RERE: variants seen among roughly 807,000 people sequenced by gnomAD.
The protein encoded by RERE is arginine-glutamic acid dipeptide repeats protein.
In RERE, 40 loss-of-function variants were observed where a neutral mutation model predicts 146.1. That is an observed-to-expected ratio of 0.27 (90% confidence interval 0.21 to 0.36). The LOEUF (loss-of-function observed/expected upper bound fraction) is 0.36, where lower values mean the gene tolerates loss of function less well. Among genes scored for constraint, RERE ranks in the 10% least tolerant of loss-of-function variants. The pLI, the probability that RERE is intolerant of heterozygous loss-of-function variation, is 1.00. For synonymous variants in RERE, 1,003 were observed against 866.0 expected (o/e 1.16, Z -2.78); for missense variants, 1,933 against 2,138.7 (o/e 0.90, Z 1.90).
intron 4 of RERE, among the ~76,000 whole-genome samples, chr1:8,586,625 A>T (rs1646431008): frequency 6.6e-6 from 1 of 152,194 alleles, no homozygotes; most frequent in South Asian, 2.1e-4. Flanking sequence ...ATAAAGGTGA[A>T]CTTCCTGACT....
intron 12 of RERE, among the ~76,000 whole-genome samples, chr1:8,422,364 C>T (rs983173903): frequency 5.9e-5 from 9 of 152,138 alleles, no homozygotes; most frequent in African/African-American, 2.2e-4. Context: ...TGCCAATTAC[C>T]AAATTCAAAC....
chr1:8,786,632 G>A (rs1346160711), intron 1 of RERE: 14 of 768,872 alleles, frequency 1.8e-5, no homozygotes, highest in Admixed American at 1.5e-4. Context: ...CAGACCTCTG[G>A]GCTCACACCA....
At chr1:8,421,209 G>A (rs1479873630) in intron 12 of RERE, among the ~76,000 whole-genome samples, 1 of 152,216 alleles carries the variant, frequency 6.6e-6, no homozygotes, top group Non-Finnish European at 1.5e-5. Context: ...GCTACAATCT[G>A]AGCGATCAGG....
chr1:8,718,201 T>C (rs1639797942), intron 1 of RERE, among the ~76,000 whole-genome samples: 1 of 152,228 alleles, frequency 6.6e-6, no homozygotes, highest in Admixed American at 6.5e-5. Context: ...AAGTAAGCAG[T>C]CAATTTACCT....
At chr1:8,717,874 G>C (rs1207837944) in intron 1 of RERE, among the ~76,000 whole-genome samples, 2 of 152,216 alleles carry the variant, frequency 1.3e-5, no homozygotes, top group African/African-American at 4.8e-5. Flanking sequence ...TGGGAATGCT[G>C]ACATGTGCAC....
chr1:8,572,003 A>G (rs1044936970), intron 4 of RERE, among the ~76,000 whole-genome samples: 28 of 152,204 alleles, frequency 1.8e-4, no homozygotes, highest in African/African-American at 6.8e-4. Context: ...ACCAACAACA[A>G]CATACGGAAA....
At chr1:8,476,521 A>T (rs1360627344) in intron 10 of RERE, among the ~76,000 whole-genome samples, 1 of 152,210 alleles carries the variant, frequency 6.6e-6, no homozygotes. Context: ...ACACACATGT[A>T]AACAAACTAA....
intron 7 of RERE, among the ~76,000 whole-genome samples, chr1:8,519,241 C>G (rs1557669515): frequency 6.6e-6 from 1 of 151,752 alleles, no homozygotes; most frequent in African/African-American, 2.4e-5. Flanking sequence ...AACAAAAAAC[C>G]CAACCAACCA....
At chr1:8,692,872 G>A (rs1639237115) in intron 1 of RERE, among the ~76,000 whole-genome samples, 1 of 152,062 alleles carries the variant, frequency 6.6e-6, no homozygotes, top group South Asian at 2.1e-4. Context: ...TAATTAGATT[G>A]TATTATTCCT....
chr1:8,399,681 T>C (rs139191578), intron 12 of RERE, among the ~76,000 whole-genome samples: 60 of 152,314 alleles, frequency 3.9e-4, no homozygotes, highest in African/African-American at 9.6e-4. Context: ...TGAAATGATA[T>C]AGCAATGAGA....
chr1:8,785,225 C>T (rs373438175), intron 1 of RERE, among the ~76,000 whole-genome samples: 1 of 152,154 alleles, frequency 6.6e-6, no homozygotes, highest in Non-Finnish European at 1.5e-5. Flanking sequence ...CAATGAAAGG[C>T]AGTCAAGCAT....
intron 2 of RERE, among the ~76,000 whole-genome samples, chr1:8,649,633 G>C (rs1178214599): frequency 1.3e-5 from 2 of 151,766 alleles, no homozygotes; most frequent in Admixed American, 1.3e-4. Context: ...TCGAAGATGA[G>C]GCAGGAGAAT....
chr1:8,673,945 C>T (rs1335442230), intron 1 of RERE, among the ~76,000 whole-genome samples: 2 of 152,090 alleles, frequency 1.3e-5, no homozygotes, highest in South Asian at 2.1e-4. Flanking sequence ...AGGTGGGTGG[C>T]TCACTTGAGC....
chr1:8,459,246 G>C (rs1224934411), intron 11 of RERE, among the ~76,000 whole-genome samples: 1 of 152,034 alleles, frequency 6.6e-6, no homozygotes, highest in African/African-American at 2.4e-5. Flanking sequence ...AATATTAAGG[G>C]CTAATTCTCA....
chr1:8,649,140 GA>G (rs1337796543), intron 2 of RERE, among the ~76,000 whole-genome samples: 1 of 152,128 alleles, frequency 6.6e-6, no homozygotes, highest in Non-Finnish European at 1.5e-5. Context: ...AAGAAGCCCA[GA>G]AGGAAAATCT....
intron 1 of RERE, among the ~76,000 whole-genome samples, chr1:8,680,555 G>A (rs984630775): frequency 1.3e-5 from 2 of 152,088 alleles, no homozygotes; most frequent in Non-Finnish European, 2.9e-5. Context: ...ATATGGATGG[G>A]GGAAAGAAAG....
intron 20 of RERE, 22 bp downstream of exon 20, chr1:8,358,174 C>A: frequency 6.4e-7 from 1 of 1,569,490 alleles, no homozygotes; most frequent in Non-Finnish European, 8.7e-7. Flanking sequence ...CTCTGTCCCA[C>A]CTGCCACGCT....
At chr1:8,616,000 C>A (rs1005030317) in intron 3 of RERE, among the ~76,000 whole-genome samples, 20 of 152,172 alleles carry the variant, frequency 1.3e-4, no homozygotes, top group African/African-American at 4.8e-4. Context: ...AACCTTCTCA[C>A]CACACACCTT....
At chr1:8,569,323 T>C (rs1646191524) in intron 4 of RERE, among the ~76,000 whole-genome samples, 1 of 151,606 alleles carries the variant, frequency 6.6e-6, no homozygotes, top group Non-Finnish European at 1.5e-5. Flanking sequence ...ACTTTGGTTG[T>C]TGTTTGGTGA....
Sources: allele counts gnomAD v4.1 joint callset (sites outside exome capture counted in the v4.1 genomes callset), GRCh38; gene constraint gnomAD v4.1.1; transcripts MANE v1.5; gene names NCBI Gene and HGNC (gene_info 2026-07-23, HGNC 2026-07-21).